Variants in ARID1B observed in about 807,000 individuals in gnomAD.
ARID1B encodes the protein AT-rich interaction domain 1B.
A neutral mutation model predicts 212.3 loss-of-function variants in ARID1B; 30 were observed. That is an observed-to-expected ratio of 0.14 (90% CI 0.11 to 0.19). ARID1B has a LOEUF of 0.19. Among genes scored for constraint, ARID1B ranks in the 10% least tolerant of loss-of-function variants. ARID1B has a pLI of 1.00. For synonymous variants in ARID1B, 1,402 were observed against 1,301.7 expected (o/e 1.08, Z -1.66); for missense variants, 2,891 against 3,204.0 (o/e 0.90, Z 2.36).
intron 4 of ARID1B, among the ~76,000 whole-genome samples, chr6:156,981,737 G>A (rs752314411): frequency 3.3e-5 from 5 of 151,982 alleles, no homozygotes; most frequent in Non-Finnish European, 7.4e-5. Context: ...GCTAAATATT[G>A]CATTATACTA....
intron 4 of ARID1B, among the ~76,000 whole-genome samples, chr6:157,078,461 C>T (rs1163942306): frequency 2.6e-5 from 4 of 152,112 alleles, no homozygotes; most frequent in Non-Finnish European, 5.9e-5. Context: ...ATTTGTTGTT[C>T]TTTCTAGTCT....
At chr6:156,866,458 C>A (rs1004901527) in intron 2 of ARID1B, among the ~76,000 whole-genome samples, 1 of 152,170 alleles carries the variant, frequency 6.6e-6, no homozygotes, top group Non-Finnish European at 1.5e-5. Context: ...AAGTTAGTTA[C>A]TATTTGTCCA....
intron 4 of ARID1B, among the ~76,000 whole-genome samples, chr6:157,040,793 T>C (rs1781835256): frequency 6.6e-6 from 1 of 152,206 alleles, no homozygotes; most frequent in Admixed American, 6.5e-5. Flanking sequence ...TTTGCACAAA[T>C]AGAGATTCAT....
intron 2 of ARID1B, among the ~76,000 whole-genome samples, chr6:156,889,067 G>C (rs570327684): frequency 3.9e-5 from 6 of 152,232 alleles, no homozygotes; most frequent in South Asian, 2.1e-4. Context: ...GTTTTTCACT[G>C]CTGTGACAGT....
chr6:157,101,759 C>G (rs995084368), intron 5 of ARID1B, among the ~76,000 whole-genome samples: 5 of 151,984 alleles, frequency 3.3e-5, no homozygotes, highest in Non-Finnish European at 7.4e-5. Flanking sequence ...TCTTTCTTCA[C>G]TTTTGCCCAG....
chr6:156,996,119 C>A (rs1434731023), intron 4 of ARID1B, among the ~76,000 whole-genome samples: 1 of 152,218 alleles, frequency 6.6e-6, no homozygotes, highest in Non-Finnish European at 1.5e-5. Flanking sequence ...GAAATATCTT[C>A]TATCCTCCAA....
At position 157,174,088 on chromosome 6, in the gene ARID1B, G is replaced by C; in HGVS notation, c.3316G>C (p.Gly1106Arg). ...TCTCAAAGCAGACGGCAAAGAAGAAGGCACTCCACAGCCCGAGAGCAAGTC... is the reference window on the plus strand; with the variant it reads ...TCTCAAAGCAGACGGCAAAGAAGAACGCACTCCACAGCCCGAGAGCAAGTC... ...LPLKADGKEEGTPQPESKSKD... is the reference protein window; with the variant it reads ...LPLKADGKEERTPQPESKSKD... The change falls in exon 10 of 20, where the codon GGC becomes CGC. Residue 1106 changes from glycine (G) to arginine (R), a missense_variant. This residue lies in a region of ARID1B where 1,643 missense variants were observed against 1,544.0 expected (regional missense o/e 1.06). Transcript: ENST00000636930. 1.2e-6 allele frequency: 2 copies of C among 1,614,176 alleles called. No homozygotes were observed. Among genetic ancestry groups the C allele is most frequent in the Non-Finnish European group, 8.5e-7 (1 of 1,180,036 alleles).
At chr6:156,828,772 G>T (rs1370928421) in intron 1 of ARID1B, among the ~76,000 whole-genome samples, 3 of 152,176 alleles carry the variant, frequency 2.0e-5, no homozygotes, top group Non-Finnish European at 4.4e-5. Context: ...ACTAAGGTTT[G>T]ATCAAGACTT....
intron 4 of ARID1B, among the ~76,000 whole-genome samples, chr6:156,944,828 A>G (rs779294588): frequency 3.9e-5 from 6 of 151,908 alleles, no homozygotes; most frequent in Non-Finnish European, 5.9e-5. Context: ...GACATGAAAA[A>G]CCACTGTTCG....
At chr6:157,069,611 A>G (rs1012040352) in intron 4 of ARID1B, among the ~76,000 whole-genome samples, 3 of 152,124 alleles carry the variant, frequency 2.0e-5, no homozygotes, top group African/African-American at 4.8e-5. Context: ...GCATTTATTC[A>G]TGTTCCTTGT....
chr6:157,049,107 A>G (rs976139985), intron 4 of ARID1B, among the ~76,000 whole-genome samples: 1 of 143,608 alleles, frequency 7.0e-6, no homozygotes, highest in Non-Finnish European at 1.5e-5. Context: ...CAGGAGGTGG[A>G]GGTTGCAGTG....
chr6:157,068,278 A>G (rs933140808), intron 4 of ARID1B, among the ~76,000 whole-genome samples: 2 of 152,318 alleles, frequency 1.3e-5, no homozygotes, highest in African/African-American at 4.8e-5. Flanking sequence ...TTTGTGTTGT[A>G]TTAGAGGTGG....
intron 5 of ARID1B, among the ~76,000 whole-genome samples, chr6:157,109,206 G>A (rs1180827491): frequency 3.3e-5 from 5 of 152,088 alleles, no homozygotes; most frequent in African/African-American, 1.2e-4. Context: ...GTTGTACATC[G>A]TCAAATACCA....
At chr6:156,940,293 C>T (rs1792570270) in intron 4 of ARID1B, 1 of 152,102 alleles carries the variant, frequency 6.6e-6, no homozygotes, top group Non-Finnish European at 1.5e-5. Flanking sequence ...TCTTTGTGAC[C>T]CTTTCTTCCT....
chr6:156,980,504 C>G (rs1362957500), intron 4 of ARID1B, among the ~76,000 whole-genome samples: 2 of 151,976 alleles, frequency 1.3e-5, no homozygotes, highest in East Asian at 3.9e-4. Flanking sequence ...CAAAACAAAA[C>G]AAAATAAGAA....
intron 4 of ARID1B, among the ~76,000 whole-genome samples, chr6:156,950,626 G>C (rs950937442): frequency 6.6e-6 from 1 of 152,120 alleles, no homozygotes; most frequent in Non-Finnish European, 1.5e-5. Context: ...CAACCTGAAA[G>C]TTGTCCTGGT....
intron 3 of ARID1B, among the ~76,000 whole-genome samples, chr6:156,913,363 C>T (rs912170385): frequency 1.3e-5 from 2 of 151,620 alleles, no homozygotes; most frequent in African/African-American, 2.4e-5. Flanking sequence ...ACTACAGGCA[C>T]GCGCCACCAT....
chr6:156,970,516 AGTCTGCTATG>A (rs1776855761), intron 4 of ARID1B, among the ~76,000 whole-genome samples: 1 of 152,220 alleles, frequency 6.6e-6, no homozygotes, highest in Non-Finnish European at 1.5e-5. Flanking sequence ...AAGATTACTG[AGTCTGCTATG>A]ATGTTGCAAA....
At chr6:157,093,761 T>A (rs1785432104) in intron 5 of ARID1B, among the ~76,000 whole-genome samples, 1 of 152,224 alleles carries the variant, frequency 6.6e-6, no homozygotes, top group African/African-American at 2.4e-5. Context: ...TTTAGAAAAG[T>A]AGCATGTTGC....
Sources: allele counts gnomAD v4.1 joint callset (sites outside exome capture counted in the v4.1 genomes callset), GRCh38; gene constraint gnomAD v4.1.1; regional missense constraint gnomAD v4.1.1; transcripts MANE v1.5; gene names NCBI Gene and HGNC (gene_info 2026-07-23, HGNC 2026-07-21).